The following CPAMD8 variants were observed in gnomAD, a reference collection of about 807,000 sequenced individuals.
CPAMD8 encodes C3 and PZP-like alpha-2-macroglobulin domain-containing protein 8.
Under a neutral mutation model 224.7 loss-of-function variants are expected in CPAMD8, and 146 were observed. That is an observed-to-expected ratio of 0.65 (90% CI 0.57 to 0.75). The LOEUF is 0.75. Ranked by LOEUF, CPAMD8 falls within the 30% of genes least tolerant of loss-of-function variation. The pLI is 0.00. For synonymous variants in CPAMD8, 966 were observed against 1,044.6 expected (o/e 0.92, Z 1.45); for missense variants, 2,301 against 2,537.5 (o/e 0.91, Z 2.00).
intron 18 of CPAMD8, among the ~76,000 whole-genome samples, chr19:16,960,149 C>A (rs928986754): frequency 6.6e-6 from 1 of 151,386 alleles, no homozygotes; most frequent in Non-Finnish European, 1.5e-5. Context: ...TTCATGCATT[C>A]TTGTTTGAGC....
chr19:16,928,455 T>C lies in CPAMD8; in HGVS notation c.3145-221A>G, dbSNP rs780531517. On this transcript the variant is annotated intron_variant, in intron 24 of 41. Transcript: ENST00000443236. ...ATGGCATCTACAGGTTCCAAAGTCATTGGGCTCCTTGGAACCTCTGGACCT... is the reference window on the plus strand; with the variant it reads ...ATGGCATCTACAGGTTCCAAAGTCACTGGGCTCCTTGGAACCTCTGGACCT... 6.6e-5 allele frequency among the ~76,000 whole-genome samples: 10 copies of C among 152,290 alleles called. No individual in the cohort carries two copies. The South Asian group carries it at 8.3e-4, about 13-fold the overall frequency.
intron 23 of CPAMD8, among the ~76,000 whole-genome samples, chr19:16,937,069 C>G (rs2053714595): frequency 6.9e-6 from 1 of 145,488 alleles, no homozygotes; most frequent in African/African-American, 2.6e-5. Context: ...TCCTGCCTTC[C>G]TTCCTTCCTT....
At chr19:17,004,116 G>A (rs1239029310) in intron 8 of CPAMD8, among the ~76,000 whole-genome samples, 157 bp downstream of exon 8, 3 of 151,992 alleles carry the variant, frequency 2.0e-5, no homozygotes, top group Non-Finnish European at 4.4e-5. Context: ...ATGTTGGCCA[G>A]GCTGGTCTCA....
In CPAMD8 at chr19:16,917,476, G is replaced by A. The variant is rs370727129; in HGVS notation, c.3630-2663C>T. 5.6e-4 allele frequency among the ~76,000 whole-genome samples: 85 copies of A among 151,986 alleles called. 1 individual carries two copies. The South Asian group carries it at 0.011, about 19-fold the overall frequency. On this transcript the variant is annotated intron_variant, in intron 27 of 41. Transcript: ENST00000443236. ...AAAAGTAAGATCTATGGCCGGGCGA[G>A]GTGGCTCATGCCAGCAGTGTTTGGG...
At chr19:17,011,426 G>A (rs551069314) in intron 5 of CPAMD8, 38 bp downstream of exon 5, 1 of 1,612,930 alleles carries the variant, frequency 6.2e-7, no homozygotes, top group South Asian at 1.1e-5. Flanking sequence ...TCCCAAGTGG[G>A]TGCACTCCGG....
At chr19:16,995,453 G>A (rs577992594) in intron 11 of CPAMD8, among the ~76,000 whole-genome samples, 1 of 152,298 alleles carries the variant, frequency 6.6e-6, no homozygotes, top group East Asian at 1.9e-4. Context: ...CCAGGCTGGA[G>A]TGCAGTGGTG....
chr19:16,975,281 A>C, intron 16 of CPAMD8, 23 bp from the exon 17 acceptor site: 1 of 1,585,150 alleles, frequency 6.3e-7, no homozygotes, highest in Non-Finnish European at 8.6e-7. Flanking sequence ...GGGGACAGAG[A>C]CTTGTCAGCT....
intron 18 of CPAMD8, among the ~76,000 whole-genome samples, chr19:16,963,023 T>A (rs1237605135): frequency 1.2e-4 from 18 of 152,150 alleles, no homozygotes; most frequent in Admixed American, 1.2e-3. Context: ...GGCCTGCCTT[T>A]CAAGAGCTCC....
chr19:16,914,922 C>T, intron 27 of CPAMD8, 109 bp from the exon 28 acceptor site: 1 of 755,632 alleles, frequency 1.3e-6, no homozygotes, highest in Non-Finnish European at 2.2e-6. Flanking sequence ...TCCATTTCCT[C>T]ATCTATAAGA....
chr19:17,000,759 G>T (rs1041361306), intron 9 of CPAMD8, among the ~76,000 whole-genome samples: 1 of 152,148 alleles, frequency 6.6e-6, no homozygotes, highest in Non-Finnish European at 1.5e-5. Flanking sequence ...AGAGACCAAG[G>T]GTCAGAGAGG....
intron 7 of CPAMD8, among the ~76,000 whole-genome samples, chr19:17,006,246 G>C (rs899084811): frequency 5.3e-5 from 8 of 152,190 alleles, no homozygotes; most frequent in Non-Finnish European, 1.0e-4. Context: ...ACAGGTGTGA[G>C]CCACCAAGCC....
intron 2 of CPAMD8, among the ~76,000 whole-genome samples, chr19:17,021,386 T>C (rs914719079): frequency 6.6e-6 from 1 of 152,198 alleles, no homozygotes; most frequent in Non-Finnish European, 1.5e-5. Context: ...CCACCTTCTC[T>C]GGCCACACCT....
intron 18 of CPAMD8, among the ~76,000 whole-genome samples, chr19:16,960,637 C>T (rs2054621685): frequency 6.6e-6 from 1 of 151,876 alleles, no homozygotes; most frequent in African/African-American, 2.4e-5. Context: ...CACAGTGGCT[C>T]ACACCTGTAA....
chr19:16,986,615 G>A (rs562490758), intron 13 of CPAMD8, among the ~76,000 whole-genome samples: 5 of 152,246 alleles, frequency 3.3e-5, no homozygotes, highest in Admixed American at 2.0e-4. Context: ...TTGGCGCCAC[G>A]ATTCCTCCAA....
chr19:16,974,916 A>G (rs1469357652), intron 17 of CPAMD8, among the ~76,000 whole-genome samples, 181 bp downstream of exon 17: 4 of 152,162 alleles, frequency 2.6e-5, no homozygotes, highest in African/African-American at 9.7e-5. Context: ...TTGAGGCTGC[A>G]GTGAGCTATG....
intron 19 of CPAMD8, among the ~76,000 whole-genome samples, chr19:16,952,919 CCAAA>C (rs1409459345): frequency 9.9e-5 from 15 of 152,094 alleles, no homozygotes; most frequent in East Asian, 7.7e-4. Flanking sequence ...ATCCTGGTGG[CCAAA>C]CAAAGAAACC....
At chr19:16,931,605 A>T (rs2053548526) in intron 23 of CPAMD8, among the ~76,000 whole-genome samples, 9 of 152,170 alleles carry the variant, frequency 5.9e-5, no homozygotes, top group Admixed American at 5.9e-4. Flanking sequence ...CTGGCATTCA[A>T]GCTAGCTTCC....
rs765426254 is a variant in CPAMD8, at chr19:17,000,446, C to T, written c.835G>A (p.Glu279Lys). 4.6e-6 allele frequency: 7 copies of T among 1,535,734 alleles called. No individual in the cohort carries two copies. The highest frequency in any genetic ancestry group is 1.7e-5 in the Admixed American group (1 of 59,868). The change falls in exon 10 of 42, where the codon GAG (glutamate) becomes AAG (lysine). Residue 279 changes from glutamate (E) to lysine (K), a missense_variant. Physicochemically the swap from Glu to Lys is moderately conservative, Grantham distance 56. Transcript: ENST00000443236. Reference sequence around the variant, plus strand: ...GTTCTGAGGACAGGGCGTCCCACCTCGTGGCTGTAGTACCCTACACCATTA... The same window carrying T: ...GTTCTGAGGACAGGGCGTCCCACCTTGTGGCTGTAGTACCCTACACCATTA... The part of the protein sequence containing the change: ...TVNGVGYYSH[E>K]VGRPVLRTTK...
intron 18 of CPAMD8, among the ~76,000 whole-genome samples, chr19:16,970,037 A>C (rs1490368851): frequency 6.6e-6 from 1 of 150,686 alleles, no homozygotes; most frequent in Non-Finnish European, 1.5e-5. Flanking sequence ...GATCGAGACC[A>C]TCCTGGCTAA....
Sources: allele counts gnomAD v4.1 joint callset (sites outside exome capture counted in the v4.1 genomes callset), GRCh38; gene constraint gnomAD v4.1.1; transcripts MANE v1.5; gene names NCBI Gene and HGNC (gene_info 2026-07-23, HGNC 2026-07-21).